RBFOX1: variants seen among roughly 807,000 people sequenced by gnomAD.
The protein encoded by RBFOX1 is RNA binding protein fox-1 homolog 1.
In RBFOX1, 8 loss-of-function variants were observed where a neutral mutation model predicts 57.7. The observed-to-expected ratio is 0.14, with a 90% CI of 0.08 to 0.25. RBFOX1 has a LOEUF of 0.25. Ranked by LOEUF, RBFOX1 falls within the 10% of genes least tolerant of loss-of-function variation. RBFOX1 has a pLI of 1.00. For missense variants in RBFOX1, 611 were observed against 548.5 expected (o/e 1.11, Z -1.14); for synonymous variants, 326 against 222.4 (o/e 1.47, Z -4.15).
intron 1 of RBFOX1, among the ~76,000 whole-genome samples, chr16:6,089,076 AAAAT>A (rs1318231732): frequency 8.8e-5 from 11 of 125,714 alleles, no homozygotes; most frequent in African/African-American, 3.0e-4. Context: ...AAAAAAAAAA[AAAAT>A]ATATATATAT....
chr16:6,048,471 T>C (rs2095517898), intron 1 of RBFOX1, among the ~76,000 whole-genome samples: 1 of 152,210 alleles, frequency 6.6e-6, no homozygotes, highest in South Asian at 2.1e-4. Context: ...CCGGTAATAA[T>C]AATGGACACC....
intron 5 of RBFOX1, among the ~76,000 whole-genome samples, chr16:7,560,944 A>T (rs911916877): frequency 2.6e-5 from 4 of 152,148 alleles, no homozygotes; most frequent in Non-Finnish European, 5.9e-5. Context: ...ATGTATCCAA[A>T]TGTTTTTCCA....
intron 1 of RBFOX1, among the ~76,000 whole-genome samples, chr16:6,080,773 C>T (rs962022375): frequency 2.0e-5 from 3 of 152,090 alleles, no homozygotes; most frequent in Non-Finnish European, 2.9e-5. Flanking sequence ...GTTGAGGGTT[C>T]GAAACAGACT....
At chr16:6,644,949 C>T (rs1417568213) in intron 2 of RBFOX1, among the ~76,000 whole-genome samples, 1 of 152,160 alleles carries the variant, frequency 6.6e-6, no homozygotes, top group Admixed American at 6.5e-5. Flanking sequence ...CGTAGCAAAT[C>T]ATCACAATCT....
intron 4 of RBFOX1, among the ~76,000 whole-genome samples, chr16:7,057,282 A>G (rs1179116971): frequency 6.6e-6 from 1 of 152,208 alleles, no homozygotes; most frequent in Non-Finnish European, 1.5e-5. Context: ...TGCAAACAAT[A>G]GAGACAGATT....
intron 3 of RBFOX1, among the ~76,000 whole-genome samples, chr16:6,944,860 A>G (rs79472542): frequency 0.037 from 5,604 of 152,250 alleles, 306 homozygotes; most frequent in African/African-American, 0.13. Flanking sequence ...AGCAACTCCA[A>G]TTGATTGATG....
chr16:6,918,378 C>G (rs1028721717), intron 3 of RBFOX1, among the ~76,000 whole-genome samples: 5 of 151,920 alleles, frequency 3.3e-5, no homozygotes, highest in African/African-American at 1.2e-4. Context: ...GAATTTTTAA[C>G]AAGCTACCCG....
At chr16:5,574,262 G>C (rs1053164243) in intron 2 of RBFOX1, among the ~76,000 whole-genome samples, 3 of 152,214 alleles carry the variant, frequency 2.0e-5, no homozygotes, top group African/African-American at 7.2e-5. Context: ...CAGTGATAAT[G>C]CTGCTGGCAG....
At chr16:7,559,381 T>G (rs1480699524) in intron 5 of RBFOX1, among the ~76,000 whole-genome samples, 1 of 152,196 alleles carries the variant, frequency 6.6e-6, no homozygotes, top group African/African-American at 2.4e-5. Context: ...TCATAGAAAC[T>G]AGGGCACATC....
At chr16:5,309,660 T>TCCC (rs1050648148) in intron 1 of RBFOX1, among the ~76,000 whole-genome samples, 1 of 152,152 alleles carries the variant, frequency 6.6e-6, no homozygotes, top group Non-Finnish European at 1.5e-5. Flanking sequence ...CTCACTCCCC[T>TCCC]CCCACTCTCT....
At chr16:5,936,677 C>G (rs932389129) in intron 4 of RBFOX1, among the ~76,000 whole-genome samples, 1 of 152,198 alleles carries the variant, frequency 6.6e-6, no homozygotes, top group Non-Finnish European at 1.5e-5. Context: ...ATTGTGTGCT[C>G]ATTCTCCACC....
At chr16:5,451,597 C>G (rs1462993644) in intron 1 of RBFOX1, among the ~76,000 whole-genome samples, 1 of 152,146 alleles carries the variant, frequency 6.6e-6, no homozygotes. Flanking sequence ...CAGATAGAAA[C>G]AGAAATGACT....
intron 3 of RBFOX1, among the ~76,000 whole-genome samples, chr16:6,707,395 A>G (rs965976942): frequency 6.6e-6 from 1 of 151,986 alleles, no homozygotes; most frequent in African/African-American, 2.4e-5. Flanking sequence ...TAGGGAAATC[A>G]TACGTTAACA....
intron 3 of RBFOX1, among the ~76,000 whole-genome samples, chr16:6,996,539 C>T (rs1033633894): frequency 6.6e-6 from 1 of 152,164 alleles, no homozygotes; most frequent in Admixed American, 6.5e-5. Context: ...ATTGTAGTTA[C>T]TATTGTAAGT....
intron 3 of RBFOX1, among the ~76,000 whole-genome samples, chr16:5,710,436 G>C (rs970154836): frequency 2.0e-5 from 3 of 152,186 alleles, no homozygotes; most frequent in Admixed American, 6.5e-5. Context: ...GCCTCCAAGA[G>C]GAGGGGAAGA....
chr16:7,020,285 G>C (rs894727399), intron 3 of RBFOX1, among the ~76,000 whole-genome samples: 1 of 152,000 alleles, frequency 6.6e-6, no homozygotes, highest in African/African-American at 2.4e-5. Flanking sequence ...GAGTGCAGAG[G>C]CACAGTCTTG....
At chr16:5,737,500 A>G (rs936536544) in intron 3 of RBFOX1, among the ~76,000 whole-genome samples, 57 of 150,546 alleles carry the variant, frequency 3.8e-4, no homozygotes, top group African/African-American at 1.2e-3. Flanking sequence ...ATAAATAAAT[A>G]AAATTAAAAC....
intron 4 of RBFOX1, among the ~76,000 whole-genome samples, chr16:7,296,646 A>G (rs937397103): frequency 6.6e-6 from 1 of 152,174 alleles, no homozygotes; most frequent in African/African-American, 2.4e-5. Context: ...CACCTGCATG[A>G]TGGGCATATG....
intron 3 of RBFOX1, among the ~76,000 whole-genome samples, chr16:6,874,170 A>G (rs561905294): frequency 2.4e-5 from 2 of 83,808 alleles, no homozygotes; most frequent in Non-Finnish European, 4.2e-5. Context: ...TAAAGAAACT[A>G]TGGTGTGTGC....
Sources: allele counts gnomAD v4.1 joint callset (sites outside exome capture counted in the v4.1 genomes callset), GRCh38; gene constraint gnomAD v4.1.1; transcripts MANE v1.5; gene names NCBI Gene and HGNC (gene_info 2026-07-23, HGNC 2026-07-21).